Variants in CHST9 observed in about 807,000 individuals in gnomAD.
CHST9 encodes carbohydrate sulfotransferase 9, also known as GalNAc-4-sulfotransferase 2.
Under a neutral mutation model 44.4 loss-of-function variants are expected in CHST9, and 41 were observed. The observed-to-expected ratio is 0.92, with a 90% CI of 0.72 to 1.20. The LOEUF is 1.20. CHST9 is among the 50% of genes most tolerant of loss of function. The pLI, the probability that CHST9 is intolerant of heterozygous loss-of-function variation, is 0.00. For synonymous variants in CHST9, 171 were observed against 178.4 expected (o/e 0.96, Z 0.33); for missense variants, 504 against 516.5 (o/e 0.98, Z 0.23).
intron 3 of CHST9, among the ~76,000 whole-genome samples, chr18:27,040,922 A>G (rs1025032362): frequency 1.3e-5 from 2 of 152,078 alleles, no homozygotes; most frequent in African/African-American, 4.8e-5. Flanking sequence ...CTGATATTCT[A>G]TTTCTGTGTG....
intron 4 of CHST9, among the ~76,000 whole-genome samples, chr18:26,962,414 CTAAG>C (rs1175791454): frequency 6.6e-5 from 10 of 151,884 alleles, no homozygotes; most frequent in African/African-American, 2.4e-4. Context: ...CCTCAGCCTC[CTAAG>C]TAACTAGGAC....
intron 1 of CHST9, among the ~76,000 whole-genome samples, chr18:27,177,068 G>A (rs1200787353): frequency 6.6e-6 from 1 of 151,992 alleles, no homozygotes; most frequent in African/African-American, 2.4e-5. Flanking sequence ...AGCCCTGCTG[G>A]AGTAATAAAA....
chr18:26,978,731 C>T (rs1568118687), intron 4 of CHST9, among the ~76,000 whole-genome samples: 1 of 152,146 alleles, frequency 6.6e-6, no homozygotes, highest in East Asian at 1.9e-4. Context: ...AAAATAATAT[C>T]GGTCCTTCCT....
chr18:27,053,142 A>AG (rs2057592008), intron 2 of CHST9, among the ~76,000 whole-genome samples: 1 of 73,840 alleles, frequency 1.4e-5, no homozygotes, highest in East Asian at 4.1e-4. Flanking sequence ...AAGAAGAAGA[A>AG]GAAGAAGAAG....
intron 4 of CHST9, among the ~76,000 whole-genome samples, chr18:27,011,601 T>C (rs1598637557): frequency 6.6e-6 from 1 of 152,096 alleles, no homozygotes; most frequent in Admixed American, 6.5e-5. Context: ...CCAGAACGGG[T>C]GGAAATTGAA....
chr18:27,090,973 A>T (rs919025920), intron 2 of CHST9, among the ~76,000 whole-genome samples: 11 of 152,146 alleles, frequency 7.2e-5, no homozygotes, highest in Admixed American at 5.9e-4. Context: ...TTTTTTCCAA[A>T]TCTGTGAAGA....
At chr18:27,143,940 C>T (rs896545874) in intron 1 of CHST9, among the ~76,000 whole-genome samples, 22 of 152,184 alleles carry the variant, frequency 1.4e-4, no homozygotes, top group Admixed American at 1.4e-3. Context: ...GCACGTGTAT[C>T]CCAGAACTTA....
rs988737547 is a variant in CHST9 at position 26,927,978 on chromosome 18, A to AG, written c.241-10629dup. Among the ~76,000 whole-genome samples the AG allele has an allele frequency of 2.1e-5, 3 of 140,720 alleles. No homozygotes were observed. The East Asian group carries it at 7.4e-4, about 35-fold the overall frequency. The allele number at this position is 140,720 out of a possible 152,430, so 92.3% of individuals were successfully genotyped here. On this transcript the variant is annotated intron_variant, in intron 5 of 5. Coordinates refer to ENST00000618847, the MANE Select transcript of CHST9 (RefSeq NM_031422.6). ...TTTATTTCCCTGGGTACTTGAGATT[A>AG]GGGAGTGGTGATGACTTTTAACAGC...
chr18:26,967,262 G>C (rs556162592), intron 4 of CHST9, among the ~76,000 whole-genome samples: 1 of 152,114 alleles, frequency 6.6e-6, no homozygotes. Context: ...ATGCTATGTA[G>C]GAAGCTGCTT....
At chr18:27,012,731 A>G (rs1056670358) in intron 4 of CHST9, among the ~76,000 whole-genome samples, 1 of 152,228 alleles carries the variant, frequency 6.6e-6, no homozygotes, top group African/African-American at 2.4e-5. Context: ...GGATGTAGTG[A>G]ACTTAGAACT....
At chr18:27,081,765 T>C (rs112894518) in intron 2 of CHST9, among the ~76,000 whole-genome samples, 5 of 152,194 alleles carry the variant, frequency 3.3e-5, no homozygotes, top group African/African-American at 1.2e-4. Flanking sequence ...CAAAGCAGCT[T>C]AAAAATACTG....
intron 4 of CHST9, among the ~76,000 whole-genome samples, chr18:26,998,199 C>T (rs2056907490): frequency 6.6e-6 from 1 of 152,178 alleles, no homozygotes; most frequent in South Asian, 2.1e-4. Context: ...GCCCTCCTGG[C>T]ACCCTGCTCG....
At chr18:27,018,797 C>T (rs1210853438) in intron 4 of CHST9, among the ~76,000 whole-genome samples, 1 of 152,150 alleles carries the variant, frequency 6.6e-6, no homozygotes, top group African/African-American at 2.4e-5. Context: ...AAAGAATGTT[C>T]AGGCTGACGG....
intron 4 of CHST9, among the ~76,000 whole-genome samples, chr18:27,004,704 C>G (rs959392618): frequency 1.3e-5 from 2 of 152,116 alleles, no homozygotes; most frequent in African/African-American, 4.8e-5. Flanking sequence ...TTTCGTAGTA[C>G]AAATGTGGCT....
intron 1 of CHST9, among the ~76,000 whole-genome samples, chr18:27,182,298 G>A (rs1438453087): frequency 6.8e-6 from 1 of 147,226 alleles, no homozygotes; most frequent in African/African-American, 2.5e-5. Flanking sequence ...AAAATTATCT[G>A]TAGTTTGGGT....
intron 2 of CHST9, among the ~76,000 whole-genome samples, chr18:27,064,432 A>G (rs1185957258): frequency 6.6e-6 from 1 of 152,082 alleles, no homozygotes; most frequent in Non-Finnish European, 1.5e-5. Context: ...GAGCAGTGAC[A>G]TTTTTGCACT....
intron 2 of CHST9, among the ~76,000 whole-genome samples, chr18:27,058,241 A>C (rs1340426553): frequency 6.6e-6 from 1 of 152,166 alleles, no homozygotes; most frequent in African/African-American, 2.4e-5. Flanking sequence ...TGTTTCTAGT[A>C]AGTTAGGTGT....
intron 4 of CHST9, among the ~76,000 whole-genome samples, chr18:26,957,046 C>T (rs1289202176): frequency 6.6e-6 from 1 of 152,128 alleles, no homozygotes; most frequent in African/African-American, 2.4e-5. Flanking sequence ...AAAGTCAGCC[C>T]AGCGGGGGAA....
At chr18:27,149,779 T>C (rs1251252371) in intron 1 of CHST9, among the ~76,000 whole-genome samples, 2 of 152,144 alleles carry the variant, frequency 1.3e-5, no homozygotes, top group African/African-American at 4.8e-5. Context: ...GCAATTTCTC[T>C]GTCTTTATCT....
Sources: allele counts gnomAD v4.1 joint callset (sites outside exome capture counted in the v4.1 genomes callset), GRCh38; gene constraint gnomAD v4.1.1; transcripts MANE v1.5; gene names NCBI Gene and HGNC (gene_info 2026-07-23, HGNC 2026-07-21).